Variants in ARMC3 observed in about 807,000 individuals in gnomAD.
ARMC3 encodes the protein armadillo repeat containing 3, also known as armadillo repeat-containing protein 3.
ARMC3 carries 74 observed loss-of-function variants against 90.3 expected under a neutral mutation model. The observed-to-expected ratio is 0.82, with a 90% CI of 0.68 to 0.99. The LOEUF is 0.99. Among genes scored for constraint, ARMC3 ranks in the 50% least tolerant of loss-of-function variants. ARMC3 has a pLI of 0.00. For synonymous variants in ARMC3, 334 were observed against 361.8 expected (o/e 0.92, Z 0.87); for missense variants, 958 against 1,042.8 (o/e 0.92, Z 1.12).
chr10:23,010,567 C>T (rs1188425746), intron 16 of ARMC3, among the ~76,000 whole-genome samples: 3 of 134,650 alleles, frequency 2.2e-5, no homozygotes, highest in Admixed American at 1.5e-4. Context: ...CCCTTCCCTT[C>T]TCTCCCCTCT....
Position 22,968,394 on chromosome 10 carries a change from G to A in ARMC3, c.821G>A (p.Gly274Glu), listed in dbSNP as rs767291442. The change falls in exon 8 of 19, where the codon GGG becomes GAG. Residue 274 changes from glycine (G) to glutamate (E), a missense_variant. By Grantham distance (98) the Gly-to-Glu change is moderately conservative. Coordinates refer to ENST00000298032, the MANE Select transcript of ARMC3 (RefSeq NM_173081.5). ...ACTATGGTGCAGATTCAGCAGACAGGGGGTCTTAAAAAGCTCCTGTCATTT... is the reference window on the plus strand; with the variant it reads ...ACTATGGTGCAGATTCAGCAGACAGAGGGTCTTAAAAAGCTCCTGTCATTT... ...MDTMVQIQQT[G>E]GLKKLLSFAE... 1.2e-6 allele frequency: 2 copies of A among 1,613,640 alleles called. No homozygotes were observed. Among genetic ancestry groups the A allele is most frequent in the Non-Finnish European group, 1.7e-6 (2 of 1,179,808 alleles).
At chr10:22,996,917 T>G (rs965454728) in intron 10 of ARMC3, among the ~76,000 whole-genome samples, 2 of 142,132 alleles carry the variant, frequency 1.4e-5, no homozygotes, top group African/African-American at 5.1e-5. Context: ...ATCATATAGC[T>G]TCAGTTGTTT....
intron 7 of ARMC3, 100 bp downstream of exon 7, chr10:22,962,178 A>C: frequency 2.2e-6 from 2 of 890,708 alleles, no homozygotes; most frequent in Non-Finnish European, 3.1e-6. Context: ...TAAGTGTAAT[A>C]GATTAATTTG....
At chr10:23,008,206 T>C in intron 14 of ARMC3, 70 bp from the exon 15 acceptor site, 1 of 791,118 alleles carries the variant, frequency 1.3e-6, no homozygotes, top group Non-Finnish European at 1.9e-6. Context: ...AAAATCTGTT[T>C]CGTGGAATAA....
chr10:22,929,089 G>A (rs1216420530), intron 1 of ARMC3, among the ~76,000 whole-genome samples: 2 of 152,034 alleles, frequency 1.3e-5, no homozygotes, highest in Non-Finnish European at 2.9e-5. Flanking sequence ...AGCCGAGCGT[G>A]GTGGCGGGTA....
chr10:22,946,322 C>A, intron 3 of ARMC3, 61 bp downstream of exon 3: 1 of 1,142,098 alleles, frequency 8.8e-7, no homozygotes, highest in South Asian at 1.4e-5. Context: ...TTTACTACCT[C>A]TTGGGCACTT....
chr10:23,015,361 C>T (rs918179748), intron 16 of ARMC3, among the ~76,000 whole-genome samples: 8 of 152,088 alleles, frequency 5.3e-5, no homozygotes, highest in South Asian at 2.1e-4. Flanking sequence ...TAGTCTTCAC[C>T]GAAACCAACA....
intron 6 of ARMC3, chr10:22,961,682 A>G (rs1176379505): frequency 3.9e-6 from 2 of 513,876 alleles, no homozygotes; most frequent in African/African-American, 3.9e-5. Flanking sequence ...TGTTGTAGAC[A>G]ATGTCTACAT....
intron 16 of ARMC3, among the ~76,000 whole-genome samples, chr10:23,010,209 C>T (rs1183658332): frequency 6.8e-6 from 1 of 147,480 alleles, no homozygotes; most frequent in African/African-American, 2.5e-5. Context: ...CTTCCCTCCG[C>T]TTCTTTGTCC....
At chr10:23,022,453 A>C (rs11013255) in intron 16 of ARMC3, among the ~76,000 whole-genome samples, 13,549 of 152,224 alleles carry the variant, frequency 0.089, 693 homozygotes, top group African/African-American at 0.14. Context: ...AGAACTCCAA[A>C]GGAGGCAAGA....
chr10:22,963,922 CAA>C (rs35508443), intron 7 of ARMC3, among the ~76,000 whole-genome samples: 12 of 58,552 alleles, frequency 2.0e-4, no homozygotes, highest in East Asian at 9.1e-4. Context: ...CACACACACA[CAA>C]AAAAAAAAAA....
At chr10:22,959,713 A>C in intron 6 of ARMC3, 139 bp downstream of exon 6, 1 of 821,020 alleles carries the variant, frequency 1.2e-6, no homozygotes, top group Non-Finnish European at 1.9e-6. Flanking sequence ...TATCATTCAG[A>C]GAAAAAAATA....
rs866580407 is a variant in ARMC3 at position 22,968,582 on chromosome 10, C to T, written c.916+93C>T. The T allele has an allele frequency of 1.9e-4, 213 of 1,151,000 alleles. 3 individuals are homozygous for T. The South Asian group carries it at 2.4e-3, about 13-fold the overall frequency. The allele number at this position is 1,151,000 out of a possible 1,614,324, so 71.3% of individuals were successfully genotyped here. A position where few individuals can be genotyped will look rare whatever the true frequency, so the allele number is the denominator to read the frequency against. On this transcript the variant is annotated intron_variant, in intron 8 of 18. Coordinates refer to ENST00000298032, the MANE Select transcript of ARMC3 (RefSeq NM_173081.5). ...TGGCGTGATCACAGCTCACTGCAGCCTCAACCTCCCCAGGTTACAAGTGAT... is the reference window on the plus strand; with the variant it reads ...TGGCGTGATCACAGCTCACTGCAGCTTCAACCTCCCCAGGTTACAAGTGAT...
At chr10:22,993,997 G>A (rs992945606) in intron 10 of ARMC3, among the ~76,000 whole-genome samples, 2 of 152,218 alleles carry the variant, frequency 1.3e-5, no homozygotes, top group African/African-American at 4.8e-5. Context: ...TTCCATTCAT[G>A]AGTGCTGCAA....
intron 4 of ARMC3, among the ~76,000 whole-genome samples, chr10:22,957,231 C>T (rs528475055): frequency 6.6e-6 from 1 of 152,172 alleles, no homozygotes; most frequent in African/African-American, 2.4e-5. Context: ...GACAGTGAGG[C>T]CTCCTTATTC....
intron 18 of ARMC3, among the ~76,000 whole-genome samples, chr10:23,035,809 T>C (rs1839105414): frequency 6.6e-6 from 1 of 152,126 alleles, no homozygotes; most frequent in Non-Finnish European, 1.5e-5. Context: ...GGCTTTTTCC[T>C]ATTTCCTTCA....
chr10:22,992,479 C>T (rs1836754406), intron 10 of ARMC3, among the ~76,000 whole-genome samples: 1 of 152,114 alleles, frequency 6.6e-6, no homozygotes, highest in Non-Finnish European at 1.5e-5. Context: ...TTCCCTGTGG[C>T]TAGGCTTTAC....
chr10:22,953,447 T>C (rs1276554436), intron 3 of ARMC3, among the ~76,000 whole-genome samples: 1 of 152,144 alleles, frequency 6.6e-6, no homozygotes. Context: ...TCTTAATACA[T>C]GCAAAACAAC....
intron 3 of ARMC3, among the ~76,000 whole-genome samples, chr10:22,953,332 C>A (rs939222291): frequency 5.9e-5 from 9 of 152,090 alleles, no homozygotes; most frequent in African/African-American, 1.9e-4. Context: ...ACTTCCAAAC[C>A]ATAAGATAAT....
Sources: allele counts gnomAD v4.1 joint callset (sites outside exome capture counted in the v4.1 genomes callset), GRCh38; gene constraint gnomAD v4.1.1; transcripts MANE v1.5; gene names NCBI Gene and HGNC (gene_info 2026-07-23, HGNC 2026-07-21).